ADARB2: variants seen among roughly 807,000 people sequenced by gnomAD.
The protein encoded by ADARB2 is inactive double-stranded RNA-specific editase B2.
In ADARB2, 25 loss-of-function variants were observed where a neutral mutation model predicts 62.2. The observed-to-expected ratio is 0.40, with a 90% CI of 0.29 to 0.56. The LOEUF is 0.56. Ranked by LOEUF, ADARB2 falls within the 20% of genes least tolerant of loss-of-function variation. The pLI is 0.43. For missense variants in ADARB2, 1,071 were observed against 1,077.4 expected (o/e 0.99, Z 0.08); for synonymous variants, 572 against 500.8 (o/e 1.14, Z -1.90).
chr10:1,654,805 G>A (rs1362396943), intron 1 of ADARB2, among the ~76,000 whole-genome samples: 1 of 152,236 alleles, frequency 6.6e-6, no homozygotes, highest in Admixed American at 6.5e-5. Context: ...GTGTGCTGCA[G>A]GTGAGCTTGG....
rs112405466 is a variant in ADARB2, at chr10:1,569,768, T to TAA, written c.100+167281_100+167282dup. On this transcript the variant is annotated intron_variant, in intron 1 of 9. Transcript: ENST00000381312. ...TATTTTCTAAAGTATCATTTTTTTT[T>TAA]AAAAAAATGTAATACTGCTCAAAAT... 4.1e-4 allele frequency among the ~76,000 whole-genome samples: 63 copies of TAA among 151,898 alleles called. 1 individual carries two copies. The highest frequency in any genetic ancestry group is 6.8e-3 in the Middle Eastern group (2 of 294).
At chr10:1,583,059 G>A (rs147213379) in intron 1 of ADARB2, among the ~76,000 whole-genome samples, 8 of 152,256 alleles carry the variant, frequency 5.3e-5, no homozygotes, top group East Asian at 1.9e-4. Flanking sequence ...TGGTGACTGC[G>A]ATTTCATCTA....
intron 1 of ADARB2, among the ~76,000 whole-genome samples, chr10:1,568,573 A>G (rs1832888799): frequency 6.7e-6 from 1 of 149,538 alleles, no homozygotes; most frequent in Non-Finnish European, 1.5e-5. Flanking sequence ...AGGAAGGAAG[A>G]AAGAAAAAAG....
At chr10:1,596,113 T>C (rs953830290) in intron 1 of ADARB2, among the ~76,000 whole-genome samples, 3 of 152,240 alleles carry the variant, frequency 2.0e-5, no homozygotes, top group African/African-American at 7.2e-5. Context: ...GCTGGATGAC[T>C]GGATTTTGTG....
chr10:1,584,739 C>A (rs960303856), intron 1 of ADARB2, among the ~76,000 whole-genome samples: 2 of 152,158 alleles, frequency 1.3e-5, no homozygotes, highest in African/African-American at 4.8e-5. Context: ...TCATCCAGAT[C>A]ATGGCATATT....
intron 1 of ADARB2, among the ~76,000 whole-genome samples, chr10:1,714,064 A>T (rs1834984581): frequency 6.6e-6 from 1 of 152,222 alleles, no homozygotes; most frequent in Non-Finnish European, 1.5e-5. Flanking sequence ...GTGTCTAGAA[A>T]ATTTCAGAGG....
chr10:1,500,347 G>A (rs1378968699), intron 1 of ADARB2, among the ~76,000 whole-genome samples: 2 of 152,202 alleles, frequency 1.3e-5, no homozygotes, highest in South Asian at 4.1e-4. Flanking sequence ...AAGTGCTGGT[G>A]TGTTTTTCTC....
intron 1 of ADARB2, among the ~76,000 whole-genome samples, chr10:1,727,032 C>T (rs1380937594): frequency 2.6e-5 from 4 of 152,266 alleles, no homozygotes; most frequent in East Asian, 3.9e-4. Context: ...TGACTGACAA[C>T]GAAAGGTGTT....
intron 3 of ADARB2, among the ~76,000 whole-genome samples, chr10:1,303,309 G>A (rs1165228590): frequency 4.6e-5 from 7 of 152,072 alleles, no homozygotes; most frequent in East Asian, 1.9e-4. Flanking sequence ...GAAATGAAGC[G>A]AGAAGGAAAG....
At chr10:1,691,962 T>C (rs1834678933) in intron 1 of ADARB2, among the ~76,000 whole-genome samples, 1 of 152,182 alleles carries the variant, frequency 6.6e-6, no homozygotes, top group Non-Finnish European at 1.5e-5. Context: ...TGTCCACCAT[T>C]TTAAAAAACA....
chr10:1,692,245 A>C (rs950804211), intron 1 of ADARB2, among the ~76,000 whole-genome samples: 2 of 152,202 alleles, frequency 1.3e-5, no homozygotes, highest in Admixed American at 1.3e-4. Flanking sequence ...TTTCCTTCTA[A>C]TGAAGCTTTC....
intron 1 of ADARB2, among the ~76,000 whole-genome samples, chr10:1,471,054 G>A (rs1348766831): frequency 6.6e-6 from 1 of 151,926 alleles, no homozygotes; most frequent in Admixed American, 6.6e-5. Flanking sequence ...GTGAGACTCC[G>A]TCTAAAAAAA....
At chr10:1,465,260 T>C (rs750424714) in intron 1 of ADARB2, among the ~76,000 whole-genome samples, 13 of 152,132 alleles carry the variant, frequency 8.5e-5, no homozygotes, top group Non-Finnish European at 1.8e-4. Flanking sequence ...GCGAGAGGGT[T>C]CCAGGTGGTG....
rs371105919 is a variant in ADARB2, at chr10:1,684,215, CTTCT to C, written c.100+52832_100+52835del. 6.6e-3 allele frequency among the ~76,000 whole-genome samples: 1,005 copies of C among 152,316 alleles called. 13 individuals carry two copies. The Middle Eastern group carries it at 0.071, about 11-fold the overall frequency. ...CTGAAATCCATGACAGAAAAACAGA[CTTCT>C]TTCTTAGAGAAGTTTTCTGAGAAGA... On this transcript the variant is annotated intron_variant, in intron 1 of 9. Transcript: ENST00000381312.
chr10:1,563,621 T>C (rs1832817630), intron 1 of ADARB2, among the ~76,000 whole-genome samples: 1 of 147,028 alleles, frequency 6.8e-6, no homozygotes, highest in Non-Finnish European at 1.5e-5. Context: ...GGACATTTCA[T>C]TTTACTTTTT....
rs1303583466 is a variant in ADARB2 at position 1,363,804 on chromosome 10, G to T, written c.301C>A (p.Pro101Thr). The change falls in exon 3 of 10, where the codon CCG becomes ACG. Residue 101 changes from proline (P) to threonine (T), a missense_variant. Pro to Thr is a conservative substitution (Grantham distance 38, BLOSUM62 -1). Coordinates refer to ENST00000381312, the MANE Select transcript of ADARB2 (RefSeq NM_018702.4). The part of the protein sequence containing the change: ...GGAPGAKRKR[P>T]LEEGNGGHLC... ...TGGCCCCCATTCCCCTCCTCCAGCG[G>T]CCGCTTCCTCTTCGCGCCGGGCGCG... 6.3e-7 allele frequency: 1 copy of T among 1,596,268 alleles called. No homozygotes were observed.
At chr10:1,201,002 C>A (rs766329608) in intron 7 of ADARB2, among the ~76,000 whole-genome samples, 1 of 152,194 alleles carries the variant, frequency 6.6e-6, no homozygotes, top group Non-Finnish European at 1.5e-5. Context: ...TTTCCCTTCC[C>A]GAAGCAGTCA....
chr10:1,418,086 G>A (rs997176099), intron 1 of ADARB2, among the ~76,000 whole-genome samples: 1 of 152,220 alleles, frequency 6.6e-6, no homozygotes, highest in African/African-American at 2.4e-5. Flanking sequence ...CCCAGGCAAG[G>A]AGGTTCACAA....
chr10:1,602,515 G>A (rs1462208993), intron 1 of ADARB2, among the ~76,000 whole-genome samples: 1 of 152,112 alleles, frequency 6.6e-6, no homozygotes, highest in Admixed American at 6.6e-5. Flanking sequence ...AGGAGGGCAC[G>A]ACTTCTTTTG....
Sources: allele counts gnomAD v4.1 joint callset (sites outside exome capture counted in the v4.1 genomes callset), GRCh38; gene constraint gnomAD v4.1.1; transcripts MANE v1.5; gene names NCBI Gene and HGNC (gene_info 2026-07-23, HGNC 2026-07-21).